Variants in LRFN5 observed in about 807,000 individuals in gnomAD.
LRFN5 encodes leucine-rich repeat and fibronectin type-III domain-containing protein 5.
In LRFN5, 24 loss-of-function variants were observed where a neutral mutation model predicts 45.6. The observed-to-expected ratio is 0.53, with a 90% CI of 0.38 to 0.74. LRFN5 has a LOEUF of 0.74. Among genes scored for constraint, LRFN5 ranks in the 30% least tolerant of loss-of-function variants. The probability of loss-of-function intolerance (pLI) is 0.00; values close to 1 mark genes in which losing one functional copy is unlikely to be tolerated. For synonymous variants in LRFN5, 340 were observed against 313.8 expected (o/e 1.08, Z -0.88); for missense variants, 776 against 861.5 (o/e 0.90, Z 1.24).
At chr14:41,748,769 A>G (rs1885018871) in intron 1 of LRFN5, among the ~76,000 whole-genome samples, 1 of 152,072 alleles carries the variant, frequency 6.6e-6, no homozygotes, top group Admixed American at 6.6e-5. Flanking sequence ...TTAATGGTAC[A>G]CTAGAATTTC....
intron 1 of LRFN5, among the ~76,000 whole-genome samples, chr14:41,764,720 A>G (rs1885806255): frequency 6.6e-6 from 1 of 152,120 alleles, no homozygotes; most frequent in South Asian, 2.1e-4. Context: ...AGCTGCACGG[A>G]CAATGAGGTG....
chr14:41,756,309 G>A (rs1211338049), intron 1 of LRFN5, among the ~76,000 whole-genome samples: 5 of 152,218 alleles, frequency 3.3e-5, no homozygotes, highest in African/African-American at 1.2e-4. Context: ...TTGAATGTTG[G>A]TCTGCCTCGC....
intron 1 of LRFN5, among the ~76,000 whole-genome samples, chr14:41,631,962 A>G (rs1057287537): frequency 1.3e-5 from 2 of 152,174 alleles, no homozygotes; most frequent in African/African-American, 2.4e-5. Flanking sequence ...GAAATGGCTT[A>G]TATTATAAAG....
At chr14:41,646,702 T>G (rs1394519443) in intron 1 of LRFN5, among the ~76,000 whole-genome samples, 1 of 152,242 alleles carries the variant, frequency 6.6e-6, no homozygotes, top group Non-Finnish European at 1.5e-5. Flanking sequence ...TTAGTTCAAT[T>G]TTGTACATTT....
At chr14:41,658,077 CTT>C (rs1339085345) in intron 1 of LRFN5, among the ~76,000 whole-genome samples, 1 of 151,850 alleles carries the variant, frequency 6.6e-6, no homozygotes. Context: ...TTTCTTAAAT[CTT>C]ATAGCTAAAA....
chr14:41,752,106 A>G (rs1410790055), intron 1 of LRFN5, among the ~76,000 whole-genome samples: 1 of 152,114 alleles, frequency 6.6e-6, no homozygotes, highest in South Asian at 2.1e-4. Flanking sequence ...ATCATTTTTT[A>G]TGGCTGCATA....
At chr14:41,763,785 A>G (rs1885765044) in intron 1 of LRFN5, among the ~76,000 whole-genome samples, 1 of 152,214 alleles carries the variant, frequency 6.6e-6, no homozygotes, top group Non-Finnish European at 1.5e-5. Flanking sequence ...CTGTGAGTCC[A>G]TTAAATGTTT....
rs1200548502 is a variant in LRFN5, at chr14:41,608,321, G to C, written c.-438G>C. On this transcript the variant is annotated 5_prime_UTR_variant, in exon 1 of 6. Transcript: ENST00000298119. ...CTGCCCGCTCCCCGGGCGCGGAGCC[G>C]CGGGTTTCATGGGGCGATTGCAGCG... 2.0e-5 allele frequency: 3 copies of C among 152,850 alleles called. No individual in the cohort carries two copies. The highest frequency in any genetic ancestry group is 4.4e-5 in the Non-Finnish European group (3 of 68,222). 9.5% of individuals were successfully genotyped at this position (152,850 alleles called of 1,614,324 possible). A position where few individuals can be genotyped will look rare whatever the true frequency, so the allele number is the denominator to read the frequency against.
chr14:41,873,092 C>G (rs1237404888), intron 2 of LRFN5, among the ~76,000 whole-genome samples: 2 of 152,144 alleles, frequency 1.3e-5, no homozygotes, highest in Non-Finnish European at 2.9e-5. Context: ...TTCTTGCTTA[C>G]TACACTGTTG....
At chr14:41,649,615 C>T (rs563723861) in intron 1 of LRFN5, among the ~76,000 whole-genome samples, 1 of 152,240 alleles carries the variant, frequency 6.6e-6, no homozygotes, top group East Asian at 1.9e-4. Flanking sequence ...CAAGAATCCC[C>T]CATCCTCAAT....
intron 2 of LRFN5, among the ~76,000 whole-genome samples, chr14:41,781,602 AAGAAAGAAAG>A (rs1171832144): frequency 2.2e-5 from 2 of 89,464 alleles, no homozygotes; most frequent in African/African-American, 1.0e-4. Context: ...GAAAGAAAGA[AAGAAAGAAAG>A]AAAGAGAAAG....
chr14:41,866,111 A>G (rs1000075723), intron 2 of LRFN5, among the ~76,000 whole-genome samples: 2 of 152,182 alleles, frequency 1.3e-5, no homozygotes, highest in Admixed American at 6.5e-5. Context: ...ACATCTAAAA[A>G]ACTACTCCCA....
rs1343857903 is a variant in LRFN5 at position 41,614,434 on chromosome 14, A to C, written c.-197+5872A>C. Among the ~76,000 whole-genome samples, 3 of 152,300 alleles carry C rather than the reference A, an allele frequency of 2.0e-5. No homozygotes were observed. In the East Asian group the frequency reaches 5.8e-4, roughly 29 times the overall value. On this transcript the variant is annotated intron_variant, in intron 1 of 5. Coordinates refer to ENST00000298119, the MANE Select transcript of LRFN5 (RefSeq NM_152447.5). ...TTGACTGTTCAAATATCAGGCACTT[A>C]AACAATATATTACTGGACATTGGGT...
intron 1 of LRFN5, among the ~76,000 whole-genome samples, chr14:41,734,636 A>G (rs1049235641): frequency 2.7e-4 from 41 of 151,094 alleles, no homozygotes; most frequent in African/African-American, 9.2e-4. Flanking sequence ...ATGTCTTTCA[A>G]TTGTGAAATT....
intron 2 of LRFN5, among the ~76,000 whole-genome samples, chr14:41,795,228 T>C (rs878925831): frequency 6.6e-6 from 1 of 152,176 alleles, no homozygotes; most frequent in Admixed American, 6.6e-5. Context: ...CACAATGAGA[T>C]ACCATCTCAC....
At chr14:41,875,994 C>CAT (rs1229364605) in intron 2 of LRFN5, among the ~76,000 whole-genome samples, 1 of 152,092 alleles carries the variant, frequency 6.6e-6, no homozygotes, top group Non-Finnish European at 1.5e-5. Flanking sequence ...TTTCAGGATA[C>CAT]ATATATAACC....
chr14:41,854,362 CGTG>C (rs1889379157), intron 2 of LRFN5, among the ~76,000 whole-genome samples: 1 of 148,962 alleles, frequency 6.7e-6, no homozygotes, highest in South Asian at 2.1e-4. Context: ...AGGGGCCTGT[CGTG>C]GGGTGGGGAG....
chr14:41,762,942 A>G (rs1885730626), intron 1 of LRFN5, among the ~76,000 whole-genome samples: 1 of 152,178 alleles, frequency 6.6e-6, no homozygotes, highest in Admixed American at 6.5e-5. Flanking sequence ...ATTTTGTACT[A>G]TTAGGAATTC....
intron 2 of LRFN5, among the ~76,000 whole-genome samples, chr14:41,806,153 C>A (rs537471475): frequency 6.6e-6 from 1 of 152,162 alleles, no homozygotes; most frequent in Admixed American, 6.6e-5. Flanking sequence ...CAGGATTAGA[C>A]GTTCAGGAGT....
Sources: allele counts gnomAD v4.1 joint callset (sites outside exome capture counted in the v4.1 genomes callset), GRCh38; gene constraint gnomAD v4.1.1; transcripts MANE v1.5; gene names NCBI Gene and HGNC (gene_info 2026-07-23, HGNC 2026-07-21).